SEMA3A: variants seen among roughly 807,000 people sequenced by gnomAD.
SEMA3A encodes semaphorin-3A.
In SEMA3A, 29 loss-of-function variants were observed where a neutral mutation model predicts 97.9. The observed-to-expected ratio is 0.30, with a 90% CI of 0.22 to 0.40. The LOEUF (loss-of-function observed/expected upper bound fraction) is 0.40, where lower values mean the gene tolerates loss of function less well. Among genes scored for constraint, SEMA3A ranks in the 10% least tolerant of loss-of-function variants. SEMA3A has a pLI of 1.00. For synonymous variants in SEMA3A, 321 were observed against 323.7 expected (o/e 0.99, Z 0.09); for missense variants, 763 against 951.3 (o/e 0.80, Z 2.60).
chr7:84,471,339 T>C (rs1024587137), intron 1 of SEMA3A, among the ~76,000 whole-genome samples: 3 of 152,110 alleles, frequency 2.0e-5, no homozygotes, highest in Admixed American at 2.0e-4. Flanking sequence ...TTCTGATTCA[T>C]CATATTTATA....
Position 84,379,445 on chromosome 7 carries a change from A to G in SEMA3A, c.-245-7545T>C, listed in dbSNP as rs193266537. On this transcript the variant is annotated intron_variant, in intron 1 of 3. Coordinates refer to the SEMA3A transcript ENST00000424555. ...TTGACATCAAGGATAAACGTTTCTC[A>G]GACTGAATTGTCCCCATTGACCAAA... Among the ~76,000 whole-genome samples the G allele has an allele frequency of 2.2e-3, 341 of 152,312 alleles. 8 individuals carry two copies. Among genetic ancestry groups the G allele is most frequent in the Admixed American group, 0.022 (339 of 15,306 alleles).
At chr7:84,102,116 C>G (rs1794975206) in intron 4 of SEMA3A, among the ~76,000 whole-genome samples, 2 of 152,020 alleles carry the variant, frequency 1.3e-5, no homozygotes, top group South Asian at 2.1e-4. Flanking sequence ...TTGATAGACT[C>G]TAATGGAAAT....
Position 83,980,617 on chromosome 7 carries a change from A to AT in SEMA3A, c.1652+703_1652+704insA, listed in dbSNP as rs1378367917. On this transcript the variant is annotated intron_variant, in intron 14 of 16. Transcript: ENST00000265362. ...AGACTCCATCTCAAAAAAAAAAAAAAAAAAAAATATATATATATATATACA... is the reference window on the plus strand; with the variant it reads ...AGACTCCATCTCAAAAAAAAAAAAAATAAAAAAATATATATATATATATACA... 1.2e-3 allele frequency among the ~76,000 whole-genome samples: 100 copies of AT among 83,584 alleles called. 1 individual carries two copies. Among genetic ancestry groups the AT allele is most frequent in the East Asian group, 6.5e-3 (18 of 2,756 alleles). 54.8% of individuals were successfully genotyped at this position (83,584 alleles called of 152,430 possible).
chr7:84,303,560 A>T (rs1801079008), intron 3 of SEMA3A, among the ~76,000 whole-genome samples: 3 of 152,116 alleles, frequency 2.0e-5, no homozygotes, highest in African/African-American at 7.2e-5. Context: ...TGAAAAAAAA[A>T]AAGGTATTAG....
intron 1 of SEMA3A, among the ~76,000 whole-genome samples, chr7:84,433,096 C>T (rs980848928): frequency 6.6e-6 from 1 of 151,300 alleles, no homozygotes; most frequent in Non-Finnish European, 1.5e-5. Context: ...TATTATTATA[C>T]TTTAAGTTCT....
intron 5 of SEMA3A, among the ~76,000 whole-genome samples, chr7:84,055,192 C>T (rs995746826): frequency 4.1e-4 from 63 of 152,186 alleles, no homozygotes; most frequent in Non-Finnish European, 2.6e-4. Flanking sequence ...GTGGAGCCTA[C>T]AGAGGCAGGC....
At chr7:84,401,502 A>AG (rs1160707181) in intron 1 of SEMA3A, among the ~76,000 whole-genome samples, 1 of 151,966 alleles carries the variant, frequency 6.6e-6, no homozygotes, top group Non-Finnish European at 1.5e-5. Flanking sequence ...AAAAAAAAAA[A>AG]AAAACACTAA....
At chr7:84,178,237 T>G (rs1318673202) in intron 1 of SEMA3A, among the ~76,000 whole-genome samples, 1 of 152,156 alleles carries the variant, frequency 6.6e-6, no homozygotes, top group East Asian at 1.9e-4. Flanking sequence ...AAATAAGGCC[T>G]CTTTTGCTTT....
At chr7:84,165,251 A>G (rs1797164146) in intron 1 of SEMA3A, among the ~76,000 whole-genome samples, 1 of 152,040 alleles carries the variant, frequency 6.6e-6, no homozygotes, top group Non-Finnish European at 1.5e-5. Flanking sequence ...TGTGACAAGA[A>G]CTCATCAACA....
intron 5 of SEMA3A, among the ~76,000 whole-genome samples, chr7:84,056,055 A>G (rs1792961290): frequency 6.6e-6 from 1 of 152,208 alleles, no homozygotes; most frequent in African/African-American, 2.4e-5. Flanking sequence ...GCAGTTTAAC[A>G]TTTCAAAAAT....
chr7:84,267,568 G>C (rs944794056), intron 3 of SEMA3A, among the ~76,000 whole-genome samples: 15 of 152,062 alleles, frequency 9.9e-5, no homozygotes, highest in African/African-American at 3.6e-4. Flanking sequence ...GCACATGTAG[G>C]CCTATACTTG....
rs77816998 is a variant in SEMA3A at position 84,115,777 on chromosome 7, A to C, written c.334-5188T>G. On this transcript the variant is annotated intron_variant, in intron 3 of 16. Coordinates refer to ENST00000265362, the MANE Select transcript of SEMA3A (RefSeq NM_006080.3). ...TGTTTCCTACCGAACCAGGAAAATT[A>C]TGAAGTACTCACAATCCTCACCCTG... Among the ~76,000 whole-genome samples the C allele has an allele frequency of 1.3e-3, 202 of 152,280 alleles. 1 individual carries two copies. In the East Asian group the frequency reaches 0.017, roughly 13 times the overall value.
At chr7:84,211,905 T>C (rs770539510) in intron 3 of SEMA3A, among the ~76,000 whole-genome samples, 18 of 152,138 alleles carry the variant, frequency 1.2e-4, no homozygotes, top group East Asian at 3.9e-4. Flanking sequence ...GAACTCTGCA[T>C]TGTGGTGAGG....
chr7:84,035,031 T>C (rs543636937), intron 6 of SEMA3A, among the ~76,000 whole-genome samples: 1 of 152,182 alleles, frequency 6.6e-6, no homozygotes, highest in African/African-American at 2.4e-5. Context: ...AAAATAACTA[T>C]CAGAAAATAC....
At chr7:84,467,525 TAAAAAAAAAAAA>T (rs56021863) in intron 1 of SEMA3A, among the ~76,000 whole-genome samples, 1 of 97,426 alleles carries the variant, frequency 1.0e-5, no homozygotes, top group East Asian at 3.1e-4. Context: ...AGACTCCTTC[TAAAAAAAAAAAA>T]AAAAAAAAAA....
intron 3 of SEMA3A, among the ~76,000 whole-genome samples, chr7:84,297,476 A>G (rs1584213910): frequency 6.6e-6 from 1 of 152,174 alleles, no homozygotes; most frequent in African/African-American, 2.4e-5. Flanking sequence ...TATTTAGAAT[A>G]AAATGAGATA....
At chr7:84,347,348 A>G (rs1227244183) in intron 2 of SEMA3A, among the ~76,000 whole-genome samples, 1 of 152,192 alleles carries the variant, frequency 6.6e-6, no homozygotes, top group Non-Finnish European at 1.5e-5. Context: ...ATATTCATAA[A>G]ATGAGGCACT....
chr7:83,988,401 G>C (rs1789729579), intron 12 of SEMA3A, among the ~76,000 whole-genome samples: 1 of 151,810 alleles, frequency 6.6e-6, no homozygotes, highest in Non-Finnish European at 1.5e-5. Flanking sequence ...TAATTTTTTT[G>C]TATTTTTAGT....
chr7:84,407,435 G>T (rs1312154293), intron 1 of SEMA3A, among the ~76,000 whole-genome samples: 1 of 152,036 alleles, frequency 6.6e-6, no homozygotes, highest in African/African-American at 2.4e-5. Context: ...TCATGGGTAG[G>T]AAGAATCAAT....
Sources: gnomAD v4.1 joint callset for allele counts (sites outside exome capture counted in the v4.1 genomes callset) on GRCh38, gnomAD v4.1.1 for gene constraint, MANE v1.5 for transcripts, NCBI Gene and HGNC (gene_info 2026-07-23, HGNC 2026-07-21) for gene names.